ANPEP: variants seen among roughly 807,000 people sequenced by gnomAD.
ANPEP encodes the protein alanyl aminopeptidase, membrane, also known as aminopeptidase N.
A neutral mutation model predicts 114.6 loss-of-function variants in ANPEP; 70 were observed. The observed-to-expected ratio is 0.61, with a 90% CI of 0.50 to 0.75. The LOEUF is 0.75. ANPEP is among the 30% of genes least tolerant of loss of function. The probability of loss-of-function intolerance (pLI) is 0.00; values close to 1 mark genes in which losing one functional copy is unlikely to be tolerated. For synonymous variants in ANPEP, 548 were observed against 522.3 expected (o/e 1.05, Z -0.67); for missense variants, 1,184 against 1,259.5 (o/e 0.94, Z 0.91).
intron 16 of ANPEP, 124 bp from the exon 17 acceptor site, chr15:89,792,686 CCG>C (rs1490336410): frequency 1.1e-5 from 9 of 809,868 alleles, no homozygotes; most frequent in Non-Finnish European, 1.8e-5. Context: ...CCTCTGACCC[CCG>C]CTGTATGTGC....
chr15:89,793,498 C>T (rs566543574), intron 15 of ANPEP, among the ~76,000 whole-genome samples: 47 of 151,924 alleles, frequency 3.1e-4, no homozygotes, highest in Middle Eastern at 3.4e-3. Context: ...TCCAGGAGTT[C>T]GAGATCAGCC....
intron 1 of ANPEP, among the ~76,000 whole-genome samples, chr15:89,812,246 CCACT>C (rs1226969024): frequency 1.3e-5 from 2 of 152,250 alleles, no homozygotes; most frequent in African/African-American, 4.8e-5. Context: ...CCACCCACTC[CCACT>C]CAGTGTCCCT....
Position 89,799,255 on chromosome 15 carries a change from C to T in ANPEP, c.2009+5G>A, listed in dbSNP as rs1567158208. On this transcript the variant is annotated splice_donor_5th_base_variant and intron_variant, in intron 14 of 20. Coordinates refer to ENST00000300060, the MANE Select transcript of ANPEP (RefSeq NM_001150.3). This position sits in a 1 kb window ranked among gnomAD's most constrained non-coding sequence, Gnocchi z 4.2. The stretch of plus-strand genomic sequence containing the variant: ...TGCAGCTGAGCCAGGCAGCGGAGCA[C>T]TCACCTGGCCAGGTTGAAGGCGTCA... The T allele has an allele frequency of 6.2e-7, 1 of 1,614,204 alleles. No homozygotes were observed. Among genetic ancestry groups the T allele is most frequent in the East Asian group, 2.2e-5 (1 of 44,882 alleles).
chr15:89,814,172 G>C (rs1010072606), intron 1 of ANPEP, among the ~76,000 whole-genome samples: 5 of 152,208 alleles, frequency 3.3e-5, no homozygotes, highest in African/African-American at 1.2e-4. Flanking sequence ...TCCATGCCCC[G>C]GCATCTTGGC....
chr15:89,804,711 C>T, intron 4 of ANPEP, 94 bp from the exon 5 acceptor site: 1 of 1,519,974 alleles, frequency 6.6e-7, no homozygotes, highest in Non-Finnish European at 8.9e-7. Flanking sequence ...GGGGGGATCC[C>T]TGATGGGCCA....
chr15:89,785,937 A>G (rs967561356), intron 20 of ANPEP, among the ~76,000 whole-genome samples: 4 of 152,234 alleles, frequency 2.6e-5, no homozygotes, highest in Non-Finnish European at 5.9e-5. Context: ...GCAATCAGCC[A>G]AGAGAATGAA....
At position 89,792,529 on chromosome 15, in the gene ANPEP, G is replaced by A. The variant is rs1968651483; in HGVS notation, c.2283C>T (p.Cys761=). The A allele has an allele frequency of 6.2e-7, 1 of 1,614,078 alleles. No homozygotes were observed. The highest frequency in any genetic ancestry group is 8.5e-7 in the Non-Finnish European group (1 of 1,180,036). Residue 761 remains cysteine (C), a synonymous_variant, in exon 17 of 21, where the codon TGC becomes TGT. Coordinates refer to ENST00000300060, the MANE Select transcript of ANPEP (RefSeq NM_001150.3). ...CCTCACACTCTGGAACTCCGTTGGA[G>A]CAGGCGGTGCTGATGGCATTAACCT... is the stretch of plus-strand genomic sequence containing the variant. ...YSEVNAISTA[C]SNGVPECEEM...
In ANPEP at chr15:89,790,501, C is replaced by G; in HGVS notation, c.2710G>C (p.Ala904Pro). 8.1e-6 allele frequency: 13 copies of G among 1,613,968 alleles called. No homozygotes were observed. Among genetic ancestry groups the G allele is most frequent in the Non-Finnish European group, 1.1e-5 (13 of 1,179,950 alleles). ...TCGGTGGAGAATCGTCGTGTCACTG[C>G]CTGGATGAGGTTGGAGAAGGAGAAC... ...GSFSFSNLIQ[A>P]VTRRFSTEYE... The change falls in exon 20 of 21, where the codon GCA (alanine) becomes CCA (proline). Residue 904 changes from alanine to proline, a missense_variant. Ala to Pro is a conservative substitution (Grantham distance 27). Transcript: ENST00000300060.
intron 10 of ANPEP, chr15:89,802,726 G>A (rs1053705824): frequency 4.8e-5 from 8 of 165,824 alleles, no homozygotes; most frequent in Non-Finnish European, 3.9e-5. Context: ...AAGGCAGGAG[G>A]GTGTGGCAGT....
chr15:89,797,863 C>T, intron 14 of ANPEP, 141 bp from the exon 15 acceptor site: 1 of 1,164,828 alleles, frequency 8.6e-7, no homozygotes, highest in Non-Finnish European at 1.2e-6. Context: ...TCCCAGATTC[C>T]CAACTGAGCC....
intron 1 of ANPEP, among the ~76,000 whole-genome samples, chr15:89,807,836 A>AC (rs1337314281): frequency 6.6e-6 from 1 of 152,168 alleles, no homozygotes; most frequent in Non-Finnish European, 1.5e-5. Flanking sequence ...GTTCATTGTC[A>AC]CTTTCCCCAT....
chr15:89,797,728 A>AATAAACAGAGGGG lies in ANPEP; in HGVS notation c.2010-19_2010-7dup. 6.2e-7 allele frequency: 1 copy of AATAAACAGAGGGG among 1,614,044 alleles called. No individual in the cohort carries two copies. Among genetic ancestry groups the AATAAACAGAGGGG allele is most frequent in the Non-Finnish European group, 8.5e-7 (1 of 1,179,998 alleles). On this transcript the variant is annotated splice_polypyrimidine_tract_variant and splice_region_variant and intron_variant, in intron 14 of 20. Transcript: ENST00000300060. ...TGACAGGGACCTTATGGGCACTGGG[A>AATAAACAGAGGGG]ATAAACAGAGGGGCCCAAGTAAAGC... is the stretch of plus-strand genomic sequence containing the variant.
Position 89,804,378 on chromosome 15 carries a change from C to G in ANPEP, c.1054G>C (p.Gly352Arg), listed in dbSNP as rs775151974. ...DQIGLPDFNAGAMENWGLVTY... is the reference protein window; with the variant it reads ...DQIGLPDFNARAMENWGLVTY... ...ACCAGTCCCCAGTTCTCCATGGCGC[C>G]GGCGTTGAAGTCTGGCAGGCCAATC... is the stretch of plus-strand genomic sequence containing the variant. The change falls in exon 6 of 21, where the codon GGC (glycine) becomes CGC (arginine). Residue 352 changes from glycine to arginine, a missense_variant. By Grantham distance (125) the Gly-to-Arg change is moderately radical (BLOSUM62 -2). Coordinates refer to ENST00000300060, the MANE Select transcript of ANPEP (RefSeq NM_001150.3). 1.2e-6 allele frequency: 2 copies of G among 1,614,224 alleles called. No homozygotes were observed. Among genetic ancestry groups the G allele is most frequent in the East Asian group, 4.5e-5 (2 of 44,886 alleles).
chr15:89,799,410 G>C lies in ANPEP; in HGVS notation c.1953+16C>G. ...TCCTGGGGCAGGGGGCAGGGCGAGG[G>C]GTGGCAGACACTCACCGAGTGGTCT... On this transcript the variant is annotated intron_variant, in intron 13 of 20. Transcript: ENST00000300060. This position sits in a 1 kb window ranked among gnomAD's most constrained non-coding sequence, Gnocchi z 4.2. 6.2e-7 allele frequency: 1 copy of C among 1,614,130 alleles called. No individual in the cohort carries two copies. Among genetic ancestry groups the C allele is most frequent in the Non-Finnish European group, 8.5e-7 (1 of 1,180,012 alleles).
Position 89,785,441 on chromosome 15 carries a change from C to A in ANPEP, c.2812G>T (p.Glu938Ter). Residue 938 changes from glutamate to a stop codon, truncating the protein, a stop_gained, in exon 21 of 21, where the codon GAG (glutamate) becomes TAG (stop). Transcript: ENST00000300060. LOFTEE classifies it high-confidence loss of function. ...GCTTTCGTCTTCTCCAGGGCTTGCT[C>A]CAGGGCCCGGGTGCCTGAGCCGAAG... ...TGFGSGTRAL[E>*]QALEKTKANI... The A allele has an allele frequency of 6.2e-7, 1 of 1,614,162 alleles. No individual in the cohort carries two copies. The highest frequency in any genetic ancestry group is 8.5e-7 in the Non-Finnish European group (1 of 1,179,986).
chr15:89,804,669 C>T (rs1894672728), intron 4 of ANPEP, 52 bp from the exon 5 acceptor site: 2 of 1,593,648 alleles, frequency 1.3e-6, no homozygotes, highest in Non-Finnish European at 1.7e-6. Flanking sequence ...GATCCTGGGG[C>T]AGGTGGGCTG....
intron 15 of ANPEP, among the ~76,000 whole-genome samples, chr15:89,793,348 T>G (rs1968669305): frequency 6.6e-6 from 1 of 152,050 alleles, no homozygotes; most frequent in Non-Finnish European, 1.5e-5. Flanking sequence ...CAATATTCTT[T>G]GTCTACGGGT....
At chr15:89,796,934 C>CT (rs1968739309) in intron 15 of ANPEP, among the ~76,000 whole-genome samples, 1 of 152,264 alleles carries the variant, frequency 6.6e-6, no homozygotes. Context: ...GTTTTGTTTG[C>CT]TTTTTGTCTT....
intron 1 of ANPEP, among the ~76,000 whole-genome samples, chr15:89,811,678 A>G (rs1422632226): frequency 6.6e-6 from 1 of 151,860 alleles, no homozygotes; most frequent in African/African-American, 2.4e-5. Context: ...AAAAAAAGAA[A>G]AAATTGTTCC....
Sources: allele counts gnomAD v4.1 joint callset (sites outside exome capture counted in the v4.1 genomes callset), GRCh38; gene constraint gnomAD v4.1.1; non-coding constraint Gnocchi (gnomAD v3.1); transcripts MANE v1.5; gene names NCBI Gene and HGNC (gene_info 2026-07-23, HGNC 2026-07-21).